The following WT1 variants were observed in gnomAD, a reference collection of about 807,000 sequenced individuals.
WT1 encodes the protein Wilms tumor protein.
A neutral mutation model predicts 60.8 loss-of-function variants in WT1; 8 were observed. The observed-to-expected ratio is 0.13, with a 90% CI of 0.08 to 0.24. The LOEUF (loss-of-function observed/expected upper bound fraction) is 0.24, where lower values mean the gene tolerates loss of function less well. Among genes scored for constraint, WT1 ranks in the 10% least tolerant of loss-of-function variants. WT1 has a pLI of 1.00. For synonymous variants in WT1, 312 were observed against 297.1 expected, an observed-to-expected ratio of 1.05 and a Z score of -0.52; for missense variants, 568 against 711.8, an observed-to-expected ratio of 0.80 and a Z score of 2.30.
intron 9 of WT1, among the ~76,000 whole-genome samples, chr11:32,391,544 T>C (rs1851818300): frequency 6.6e-6 from 1 of 152,232 alleles, no homozygotes; most frequent in South Asian, 2.1e-4. Context: ...CATTAACTTT[T>C]AACAGAGCAA....
At chr11:32,416,738 T>C (rs1322554433) in intron 4 of WT1, among the ~76,000 whole-genome samples, 198 bp from the exon 5 acceptor site, 1 of 152,174 alleles carries the variant, frequency 6.6e-6, no homozygotes, top group Non-Finnish European at 1.5e-5. Flanking sequence ...GCAAAGAGCT[T>C]GGGCTTTGGA....
At position 32,387,998 on chromosome 11, in the gene WT1, AACACAACAC is replaced by A; in HGVS notation, c.*1051_*1059del. 4.8e-6 allele frequency: 1 copy of A among 209,840 alleles called. No individual in the cohort carries two copies. The highest frequency in any genetic ancestry group is 8.7e-6 in the Non-Finnish European group (1 of 115,558). The allele number at this position is 209,840 out of a possible 1,614,324, so 13.0% of individuals were successfully genotyped here. ...TTCCCTCCCTTAAAAAACAAAACAC[AACACAACAC>A]ACACACACACACACACACACACACA... On this transcript the variant is annotated 3_prime_UTR_variant, in exon 10 of 10. Coordinates refer to ENST00000452863, the MANE Select transcript of WT1 (RefSeq NM_024426.6).
chr11:32,431,058 G>A (rs957088136), intron 1 of WT1, among the ~76,000 whole-genome samples: 2 of 152,180 alleles, frequency 1.3e-5, no homozygotes, highest in Non-Finnish European at 2.9e-5. Context: ...GCCCGGGAGG[G>A]GAGCGCAACC....
At chr11:32,397,380 G>A (rs547902257) in intron 6 of WT1, among the ~76,000 whole-genome samples, 2 of 152,088 alleles carry the variant, frequency 1.3e-5, no homozygotes, top group African/African-American at 2.4e-5. Flanking sequence ...GCAGTGGCAC[G>A]ATCGGGGCTC....
At chr11:32,423,901 G>A (rs1429836601) in intron 3 of WT1, among the ~76,000 whole-genome samples, 1 of 152,246 alleles carries the variant, frequency 6.6e-6, no homozygotes, top group East Asian at 1.9e-4. Flanking sequence ...GGTGGCTCAC[G>A]CCTGTAATTC....
intron 5 of WT1, among the ~76,000 whole-genome samples, chr11:32,409,864 T>C (rs1435593750): frequency 2.6e-5 from 4 of 152,192 alleles, no homozygotes; most frequent in African/African-American, 7.2e-5. Context: ...AAGGACACTG[T>C]TCCAGTGATT....
intron 3 of WT1, among the ~76,000 whole-genome samples, chr11:32,421,895 C>T (rs1852868688): frequency 1.3e-5 from 2 of 152,250 alleles, no homozygotes; most frequent in Non-Finnish European, 2.9e-5. Flanking sequence ...ACCTCTGCCA[C>T]GTAGCTGCTG....
At chr11:32,391,476 A>G (rs1851816087) in intron 9 of WT1, among the ~76,000 whole-genome samples, 1 of 152,212 alleles carries the variant, frequency 6.6e-6, no homozygotes, top group Non-Finnish European at 1.5e-5. Context: ...ACTAGTATGA[A>G]GGAAATAATA....
At chr11:32,420,369 A>G (rs1852816203) in intron 3 of WT1, among the ~76,000 whole-genome samples, 1 of 152,192 alleles carries the variant, frequency 6.6e-6, no homozygotes, top group African/African-American at 2.4e-5. Context: ...ATTAATCTCC[A>G]TCAGTCTAAC....
chr11:32,419,858 T>G (rs1564989118), intron 3 of WT1, among the ~76,000 whole-genome samples: 1 of 152,164 alleles, frequency 6.6e-6, no homozygotes, highest in Non-Finnish European at 1.5e-5. Context: ...CATGCCCGGC[T>G]AATTTTTGTA....
At chr11:32,429,314 C>T (rs966197739) in intron 1 of WT1, among the ~76,000 whole-genome samples, 1 of 152,182 alleles carries the variant, frequency 6.6e-6, no homozygotes, top group Non-Finnish European at 1.5e-5. Context: ...GGGTCCGACC[C>T]TGACCACTGC....
intron 1 of WT1, chr11:32,430,523 G>A (rs1321172927): frequency 6.3e-6 from 10 of 1,587,848 alleles, no homozygotes; most frequent in Admixed American, 1.7e-5. Context: ...GTTTTCTCTA[G>A]ACGAACCCTT....
Position 32,435,457 on chromosome 11 carries a change from G to GGGGGGGGGGGGGGA in WT1, c.-98_-97insTCCCCCCCCCCCCC. The stretch of plus-strand genomic sequence containing the variant: ...AATGAGTAGGTGGGAGGGAGGGCGG[G>GGGGGGGGGGGGGGA]AAGTGGGGGAGCGGACAGGCGGTCG... On this transcript the variant is annotated 5_prime_UTR_variant, in exon 1 of 10. Transcript: ENST00000452863. The GGGGGGGGGGGGGGA allele has an allele frequency of 7.4e-6, 1 of 134,482 alleles. No homozygotes were observed. The highest frequency in any genetic ancestry group is 1.5e-5 in the Non-Finnish European group (1 of 67,196). The allele number at this position is 134,482 out of a possible 1,614,324, so 8.3% of individuals were successfully genotyped here. A position where few individuals can be genotyped will look rare whatever the true frequency, so the allele number is the denominator to read the frequency against.
intron 3 of WT1, among the ~76,000 whole-genome samples, chr11:32,424,784 G>C (rs1201193416): frequency 6.6e-6 from 1 of 152,196 alleles, no homozygotes; most frequent in Non-Finnish European, 1.5e-5. Context: ...CTGGGATTTT[G>C]AGAATGTCCT....
At chr11:32,412,730 T>C (rs1852541213) in intron 5 of WT1, among the ~76,000 whole-genome samples, 1 of 151,332 alleles carries the variant, frequency 6.6e-6, no homozygotes, top group African/African-American at 2.4e-5. Context: ...AAATCTAATT[T>C]CATTTGTTTG....
intron 4 of WT1, among the ~76,000 whole-genome samples, chr11:32,417,056 G>C (rs1158336962): frequency 6.6e-6 from 1 of 152,070 alleles, no homozygotes; most frequent in Non-Finnish European, 1.5e-5. Flanking sequence ...GGTGCAAAGA[G>C]TAGCTCCTTC....
intron 6 of WT1, among the ~76,000 whole-genome samples, chr11:32,398,429 T>G (rs1852039699): frequency 6.6e-6 from 1 of 152,202 alleles, no homozygotes; most frequent in Non-Finnish European, 1.5e-5. Flanking sequence ...AGACTGAAGG[T>G]CTACGGAGGT....
intron 3 of WT1, among the ~76,000 whole-genome samples, chr11:32,427,393 G>T (rs1047178348): frequency 2.0e-5 from 3 of 152,200 alleles, no homozygotes; most frequent in African/African-American, 7.2e-5. Flanking sequence ...CAGCCTCCCC[G>T]CAGGGCCCTG....
chr11:32,414,956 AT>A lies in WT1; in HGVS notation c.1016+1533del, dbSNP rs1463889010. Among the ~76,000 whole-genome samples the A allele has an allele frequency of 3.9e-5, 6 of 151,990 alleles. No individual in the cohort carries two copies. In the South Asian group the frequency reaches 6.2e-4, roughly 16 times the overall value. On this transcript the variant is annotated intron_variant, in intron 5 of 9. Coordinates refer to ENST00000452863, the MANE Select transcript of WT1 (RefSeq NM_024426.6). ...TAACGGACCAATGAAAACTCTTCTCATTTTTTTCTTATGTAGGATTGAACAG... is the reference window on the plus strand; with the variant it reads ...TAACGGACCAATGAAAACTCTTCTCATTTTTTCTTATGTAGGATTGAACAG...
Sources: allele counts gnomAD v4.1 joint callset (sites outside exome capture counted in the v4.1 genomes callset), GRCh38; gene constraint gnomAD v4.1.1; transcripts MANE v1.5; gene names NCBI Gene and HGNC (gene_info 2026-07-23, HGNC 2026-07-21).